BRD8: variants seen among roughly 807,000 people sequenced by gnomAD.
The protein encoded by BRD8 is bromodomain containing 8, also known as bromodomain-containing protein 8.
In BRD8, 67 loss-of-function variants were observed where a neutral mutation model predicts 143.1. The ratio of observed to expected loss-of-function variants is 0.47; its 90% CI spans 0.38 to 0.57. The LOEUF (loss-of-function observed/expected upper bound fraction) is 0.57, where lower values mean the gene tolerates loss of function less well. Ranked by LOEUF, BRD8 falls within the 20% of genes least tolerant of loss-of-function variation. The probability of loss-of-function intolerance (pLI) is 0.00; values close to 1 mark genes in which losing one functional copy is unlikely to be tolerated. For synonymous variants in BRD8, 505 were observed against 517.1 expected (o/e 0.98, Z 0.32); for missense variants, 1,103 against 1,503.0 (o/e 0.73, Z 4.40).
chr5:138,163,467 T>C, intron 14 of BRD8, 123 bp from the exon 15 acceptor site: 1 of 1,360,570 alleles, frequency 7.3e-7, no homozygotes, highest in Non-Finnish European at 1.0e-6. Flanking sequence ...GTTTCCTGAC[T>C]CAGCTGTCTA....
At position 138,146,161 on chromosome 5, in the gene BRD8, G is replaced by A. The variant is rs537544341; in HGVS notation, c.3279-283C>T. 2.0e-3 allele frequency among the ~76,000 whole-genome samples: 309 copies of A among 151,776 alleles called. 2 individuals carry two copies. Among genetic ancestry groups the A allele is most frequent in the African/African-American group, 7.0e-3 (290 of 41,374 alleles). On this transcript the variant is annotated intron_variant, in intron 23 of 26. Transcript: ENST00000254900. ...CAACCTCTGCCTCCCGGGTTCCAGC[G>A]ATTCTCCTGCCTCAGCCTCCCAAGT...
intron 17 of BRD8, 177 bp from the exon 18 acceptor site, chr5:138,161,245 T>C (rs1752974795): frequency 1.9e-6 from 1 of 519,424 alleles, no homozygotes; most frequent in South Asian, 3.2e-5. Flanking sequence ...ATCTATATAA[T>C]AAGCATTGAG....
In BRD8 at chr5:138,162,045, C is replaced by G; in HGVS notation, c.2180+9G>C. On this transcript the variant is annotated intron_variant, in intron 16 of 26. Coordinates refer to ENST00000254900, the MANE Select transcript of BRD8 (RefSeq NM_139199.2). Reference sequence around the variant, plus strand: ...AAAATGAACCTACTGACTGGTAAAGCCCACTCACCTATGATTAGCTGCAGC... The same window carrying G: ...AAAATGAACCTACTGACTGGTAAAGGCCACTCACCTATGATTAGCTGCAGC... 1.9e-6 allele frequency: 3 copies of G among 1,610,064 alleles called. No homozygotes were observed. In the South Asian group the frequency reaches 3.3e-5, roughly 18 times the overall value.
chr5:138,149,992 CT>C (rs1390894408), intron 22 of BRD8, among the ~76,000 whole-genome samples, 195 bp from the exon 23 acceptor site: 1 of 152,142 alleles, frequency 6.6e-6, no homozygotes, highest in Non-Finnish European at 1.5e-5. Context: ...TGCTGGAGGA[CT>C]TTGACTCTGT....
Position 138,161,949 on chromosome 5 carries a change from G to T in BRD8, c.2181-85C>A, listed in dbSNP as rs1489039572. The T allele has an allele frequency of 1.1e-5, 17 of 1,558,088 alleles. No homozygotes were observed. The East Asian group carries it at 3.8e-4, about 35-fold the overall frequency. ...TACTCTAAGTAACTAAAGGTAGTAAGAACTAATACCAGCAGTTCCACAGAA... is the reference window on the plus strand; with the variant it reads ...TACTCTAAGTAACTAAAGGTAGTAATAACTAATACCAGCAGTTCCACAGAA... On this transcript the variant is annotated intron_variant, in intron 16 of 26. Coordinates refer to ENST00000254900, the MANE Select transcript of BRD8 (RefSeq NM_139199.2).
rs1378656438 is a variant in BRD8, at chr5:138,156,887, T to G, written c.2577+2668A>C. ...ACACACAGAACAAGCCAAAGGCTAG[T>G]TTTTTTTTTCAGTTTATTGTATACA... On this transcript the variant is annotated intron_variant, in intron 20 of 26. Coordinates refer to ENST00000254900, the MANE Select transcript of BRD8 (RefSeq NM_139199.2). 4.8e-6 allele frequency: 5 copies of G among 1,044,808 alleles called. No individual in the cohort carries two copies. The South Asian group carries it at 1.1e-4, about 23-fold the overall frequency. The allele number at this position is 1,044,808 out of a possible 1,614,324, so 64.7% of individuals were successfully genotyped here.
intron 11 of BRD8, 77 bp from the exon 12 acceptor site, chr5:138,165,243 G>A: frequency 1.4e-6 from 2 of 1,457,754 alleles, no homozygotes; most frequent in East Asian, 4.7e-5. Context: ...CACCAAATGT[G>A]ATGGCTTGAA....
intron 23 of BRD8, among the ~76,000 whole-genome samples, chr5:138,147,013 T>A (rs1384688861): frequency 6.7e-6 from 1 of 150,366 alleles, no homozygotes; most frequent in Non-Finnish European, 1.5e-5. Flanking sequence ...GCAGATTTCC[T>A]GCTGTTTGTA....
Position 138,163,228 on chromosome 5 carries a change from A to C in BRD8, c.1989T>G (p.Pro663=). The C allele has an allele frequency of 6.2e-7, 1 of 1,614,126 alleles. No individual in the cohort carries two copies. The highest frequency in any genetic ancestry group is 8.5e-7 in the Non-Finnish European group (1 of 1,180,032). Residue 663 remains proline (P), a synonymous_variant, in exon 15 of 27, where the codon CCT becomes CCG. Coordinates refer to ENST00000254900, the MANE Select transcript of BRD8 (RefSeq NM_139199.2). Reference sequence around the variant, plus strand: ...TGAAGCCATCATCACTCTCGCTCACAGGAGGTTCATTATCCATTTCTGACA... The same window carrying C: ...TGAAGCCATCATCACTCTCGCTCACCGGAGGTTCATTATCCATTTCTGACA... ...GYLSEMDNEP[P]VSESDDGFSI...
chr5:138,159,587 T>G lies in BRD8; in HGVS notation c.2545A>C (p.Met849Leu). The change falls in exon 20 of 27, where the codon ATG becomes CTG. Residue 849 changes from methionine (M) to leucine (L), a missense_variant. Met to Leu is a conservative substitution (Grantham distance 15). Around this residue, in one of 7 missense-constraint regions of BRD8, gnomAD observed 64 missense variants for 211.3 expected, o/e 0.30. Transcript: ENST00000254900. Reference protein sequence around the residue: ...QDASEKDSVPMGSPAFLLSLF... With the variant: ...QDASEKDSVPLGSPAFLLSLF... ...GAGAGAAGGAAGGCAGGAGAGCCCA[T>G]TGGGACACTGTCCTGTTAGAGGACA... The G allele has an allele frequency of 6.2e-7, 1 of 1,614,078 alleles. No homozygotes were observed. The highest frequency in any genetic ancestry group is 8.5e-7 in the Non-Finnish European group (1 of 1,179,998).
chr5:138,169,971 A>G (rs2151212166), intron 7 of BRD8, among the ~76,000 whole-genome samples: 1 of 152,344 alleles, frequency 6.6e-6, no homozygotes, highest in African/African-American at 2.4e-5. Context: ...GGGAAAAACA[A>G]AAAACAAAAA....
intron 20 of BRD8, chr5:138,157,266 T>C (rs1769953316): frequency 6.2e-7 from 1 of 1,613,740 alleles, no homozygotes; most frequent in Non-Finnish European, 8.5e-7. Context: ...GGTTCCTCCA[T>C]CCTAGATGAC....
At position 138,170,925 on chromosome 5, in the gene BRD8, A is replaced by G. The variant is rs1581452760; in HGVS notation, c.360-13T>C. 6.2e-7 allele frequency: 1 copy of G among 1,613,864 alleles called. No homozygotes were observed. Among genetic ancestry groups the G allele is most frequent in the Non-Finnish European group, 8.5e-7 (1 of 1,179,812 alleles). ...TCTCTTTAGCCGTCTATAGGAAGAA[A>G]GAGAGGTAGGTAGACTGGGTTTTTT... On this transcript the variant is annotated splice_polypyrimidine_tract_variant and intron_variant, in intron 5 of 26. Coordinates refer to ENST00000254900, the MANE Select transcript of BRD8 (RefSeq NM_139199.2).
rs555055381 is a variant in BRD8 at position 138,153,838 on chromosome 5, G to A, written c.2578-1078C>T. ...ATTACAGGTGCCCACCACCATGCCC[G>A]GCTAATTTTTGTATATTTATAGAGA... On this transcript the variant is annotated intron_variant, in intron 20 of 26. Transcript: ENST00000254900. Among the ~76,000 whole-genome samples the A allele has an allele frequency of 1.2e-4, 18 of 151,908 alleles. No homozygotes were observed. In the East Asian group the frequency reaches 1.5e-3, roughly 13 times the overall value.
At chr5:138,173,623 A>G (rs1034294921) in intron 2 of BRD8, among the ~76,000 whole-genome samples, 7 of 152,198 alleles carry the variant, frequency 4.6e-5, no homozygotes, top group Non-Finnish European at 1.0e-4. Context: ...ACTTCAGTGC[A>G]GTGGCACAAT....
At position 138,152,471 on chromosome 5, in the gene BRD8, C is replaced by G. The variant is rs201588407; in HGVS notation, c.2856+11G>C. 179 of 1,612,584 alleles carry G rather than the reference C, an allele frequency of 1.1e-4. 1 individual carries two copies. In the East Asian group the frequency reaches 3.9e-3, roughly 35 times the overall value. On this transcript the variant is annotated intron_variant, in intron 21 of 26. Coordinates refer to ENST00000254900, the MANE Select transcript of BRD8 (RefSeq NM_139199.2). ...GCTTTTCCAGCTTTGGAAATAAGAGCTCACTGTTACCTCAGAGAGAAAGTG... is the reference window on the plus strand; with the variant it reads ...GCTTTTCCAGCTTTGGAAATAAGAGGTCACTGTTACCTCAGAGAGAAAGTG...
At chr5:138,177,373 A>AT in intron 2 of BRD8, 198 bp downstream of exon 2, 1 of 380,988 alleles carries the variant, frequency 2.6e-6, no homozygotes, top group Admixed American at 3.8e-5. Flanking sequence ...CTACTAAAAA[A>AT]TACAAAAATT....
At chr5:138,168,114 A>T in intron 8 of BRD8, 36 bp from the exon 9 acceptor site, 1 of 1,549,754 alleles carries the variant, frequency 6.5e-7, no homozygotes, top group Non-Finnish European at 8.8e-7. Context: ...GCTACACTCA[A>T]GCTTTCCTTC....
At chr5:138,142,036 T>A in intron 25 of BRD8, among the ~76,000 whole-genome samples, 1 of 151,988 alleles carries the variant, frequency 6.6e-6, no homozygotes, top group East Asian at 1.9e-4. Context: ...TAATCCCAAG[T>A]GCAACAGTAT....
Sources: allele counts gnomAD v4.1 joint callset (sites outside exome capture counted in the v4.1 genomes callset), GRCh38; gene constraint gnomAD v4.1.1; regional missense constraint gnomAD v4.1.1; transcripts MANE v1.5; gene names NCBI Gene and HGNC (gene_info 2026-07-23, HGNC 2026-07-21).